The following FRMD5 variants were observed in gnomAD, a reference collection of about 807,000 sequenced individuals.
FRMD5 encodes FERM domain-containing protein 5.
In FRMD5, 20 loss-of-function variants were observed where a neutral mutation model predicts 69.0. The ratio of observed to expected loss-of-function variants is 0.29; its 90% CI spans 0.20 to 0.42. The LOEUF is 0.42. FRMD5 is among the 10% of genes least tolerant of loss of function. The pLI is 1.00. For synonymous variants in FRMD5, 271 were observed against 260.1 expected (o/e 1.04, Z -0.40); for missense variants, 595 against 708.6 (o/e 0.84, Z 1.82).
At chr15:44,135,346 T>C (rs1424038779) in intron 1 of FRMD5, among the ~76,000 whole-genome samples, 2 of 152,210 alleles carry the variant, frequency 1.3e-5, no homozygotes, top group Non-Finnish European at 1.5e-5. Flanking sequence ...CCCCACTGGC[T>C]TTATTTCCTC....
Position 44,052,401 on chromosome 15 carries a change from T to C in FRMD5, c.103-128092A>G, listed in dbSNP as rs79928050. 1.8e-3 allele frequency among the ~76,000 whole-genome samples: 277 copies of C among 152,260 alleles called. 7 individuals carry two copies. In the East Asian group the frequency reaches 0.048, roughly 26 times the overall value. ...TCAGGCCTATATTGTATATTTCCTGTCCCCATCCTAGAATCAGCCATTTCT... is the reference window on the plus strand; with the variant it reads ...TCAGGCCTATATTGTATATTTCCTGCCCCCATCCTAGAATCAGCCATTTCT... On this transcript the variant is annotated intron_variant, in intron 1 of 13. Coordinates refer to ENST00000417257, the MANE Select transcript of FRMD5 (RefSeq NM_032892.5).
At chr15:44,040,516 T>C (rs184374326) in intron 1 of FRMD5, among the ~76,000 whole-genome samples, 27 of 152,324 alleles carry the variant, frequency 1.8e-4, no homozygotes, top group Admixed American at 8.5e-4. Flanking sequence ...ATATTCAATG[T>C]TCTTAAAGAA....
At chr15:43,930,543 T>C (rs1167056534) in intron 1 of FRMD5, among the ~76,000 whole-genome samples, 5 of 152,136 alleles carry the variant, frequency 3.3e-5, no homozygotes, top group East Asian at 3.9e-4. Context: ...GGCCCCAAAG[T>C]GGAGGGAAAT....
chr15:43,968,321 A>G (rs1241798436), intron 1 of FRMD5, among the ~76,000 whole-genome samples: 1 of 152,194 alleles, frequency 6.6e-6, no homozygotes, highest in Non-Finnish European at 1.5e-5. Flanking sequence ...ATTCCTTGCC[A>G]ATGGAGTATT....
At chr15:44,045,586 G>A (rs934710743) in intron 1 of FRMD5, among the ~76,000 whole-genome samples, 1 of 152,124 alleles carries the variant, frequency 6.6e-6, no homozygotes, top group Non-Finnish European at 1.5e-5. Context: ...AAGATCAGAT[G>A]ATTTATTAAG....
At chr15:43,936,497 T>C (rs1162539355) in intron 1 of FRMD5, among the ~76,000 whole-genome samples, 1 of 152,114 alleles carries the variant, frequency 6.6e-6, no homozygotes, top group East Asian at 1.9e-4. Context: ...GGCCAAGAAG[T>C]ATTTGTTGAT....
intron 4 of FRMD5, among the ~76,000 whole-genome samples, chr15:43,915,118 C>G (rs577847832): frequency 5.3e-5 from 8 of 152,322 alleles, no homozygotes; most frequent in African/African-American, 1.9e-4. Context: ...AGTTAAAGAA[C>G]AACCTGGGAT....
intron 1 of FRMD5, among the ~76,000 whole-genome samples, chr15:44,182,648 T>C (rs188771057): frequency 8.1e-4 from 124 of 152,212 alleles, no homozygotes; most frequent in African/African-American, 2.9e-3. Flanking sequence ...TTAATAATCA[T>C]TTTTTCAGAG....
chr15:44,016,829 A>G (rs1890981955), intron 1 of FRMD5, among the ~76,000 whole-genome samples: 1 of 110,460 alleles, frequency 9.1e-6, no homozygotes, highest in African/African-American at 3.2e-5. Flanking sequence ...TAACTGTTGT[A>G]GTTCACATAA....
chr15:43,958,238 A>G (rs2140530820), intron 1 of FRMD5, among the ~76,000 whole-genome samples: 1 of 152,310 alleles, frequency 6.6e-6, no homozygotes, highest in East Asian at 1.9e-4. Context: ...CACAGTGGTC[A>G]GCACACAGGT....
intron 1 of FRMD5, among the ~76,000 whole-genome samples, chr15:44,094,636 C>G (rs1423416259): frequency 1.3e-5 from 2 of 152,104 alleles, no homozygotes; most frequent in Non-Finnish European, 2.9e-5. Context: ...GATTGTAGCA[C>G]AAATTATTTT....
intron 1 of FRMD5, among the ~76,000 whole-genome samples, chr15:44,029,527 G>A (rs748838195): frequency 2.0e-5 from 3 of 152,190 alleles, no homozygotes; most frequent in Admixed American, 1.3e-4. Context: ...GCTAGGATTA[G>A]TAAACAGAAC....
chr15:44,026,178 G>A (rs912124761), intron 1 of FRMD5, among the ~76,000 whole-genome samples: 3 of 152,048 alleles, frequency 2.0e-5, no homozygotes, highest in Admixed American at 1.3e-4. Context: ...ACAGGGTTTC[G>A]CCATGTTGGC....
At chr15:44,193,387 T>C (rs2078227851) in intron 1 of FRMD5, among the ~76,000 whole-genome samples, 1 of 152,136 alleles carries the variant, frequency 6.6e-6, no homozygotes, top group African/African-American at 2.4e-5. Flanking sequence ...TATACTCAAA[T>C]GGTGAAGATA....
intron 1 of FRMD5, chr15:44,063,541 T>C (rs542961536): frequency 3.5e-5 from 17 of 492,630 alleles, no homozygotes; most frequent in South Asian, 2.0e-4. Flanking sequence ...GGTAAATGAA[T>C]TTAGTTGTAC....
At chr15:44,062,849 T>A (rs1893150238) in intron 1 of FRMD5, among the ~76,000 whole-genome samples, 1 of 152,134 alleles carries the variant, frequency 6.6e-6, no homozygotes, top group South Asian at 2.1e-4. Flanking sequence ...AGGAGTATGA[T>A]AAAGGTTGAG....
intron 1 of FRMD5, among the ~76,000 whole-genome samples, chr15:44,018,241 A>G (rs759566271): frequency 2.0e-5 from 3 of 152,228 alleles, no homozygotes; most frequent in Non-Finnish European, 4.4e-5. Flanking sequence ...GACGAAAGTT[A>G]ATATAAATGG....
intron 13 of FRMD5, chr15:43,876,142 C>T: frequency 5.1e-6 from 8 of 1,578,856 alleles, no homozygotes; most frequent in Non-Finnish European, 7.0e-6. Flanking sequence ...ACTGCATTGC[C>T]ACCACCTTTG....
At position 44,031,837 on chromosome 15, in the gene FRMD5, C is replaced by G. The variant is rs142757189; in HGVS notation, c.103-107528G>C. On this transcript the variant is annotated intron_variant, in intron 1 of 13. Coordinates refer to ENST00000417257, the MANE Select transcript of FRMD5 (RefSeq NM_032892.5). ...TTAGAGAAACTAAAAATGGGGACAT[C>G]TTTCATTTTTATCAAATGATTATTC... 1.9e-3 allele frequency among the ~76,000 whole-genome samples: 295 copies of G among 152,266 alleles called. 2 individuals are homozygous for G. The highest frequency in any genetic ancestry group is 6.9e-3 in the African/African-American group (286 of 41,560).
Sources: allele counts gnomAD v4.1 joint callset (sites outside exome capture counted in the v4.1 genomes callset), GRCh38; gene constraint gnomAD v4.1.1; transcripts MANE v1.5; gene names NCBI Gene and HGNC (gene_info 2026-07-23, HGNC 2026-07-21).